CSMD1: variants seen among roughly 807,000 people sequenced by gnomAD.
CSMD1 encodes CUB and sushi domain-containing protein 1.
Under a neutral mutation model 417.5 loss-of-function variants are expected in CSMD1, and 213 were observed. That is an observed-to-expected ratio of 0.51 (90% confidence interval 0.46 to 0.57). The LOEUF is 0.57. CSMD1 is among the 20% of genes least tolerant of loss of function. The pLI is 0.00. For missense variants in CSMD1, 6,923 were observed against 4,529.7 expected, an observed-to-expected ratio of 1.53 and a Z score of -15.17; for synonymous variants, 2,862 against 1,736.8, an observed-to-expected ratio of 1.65 and a Z score of -16.11.
In CSMD1 at chr8:3,708,482, G is replaced by A. The variant is rs752440260; in HGVS notation, c.941C>T (p.Ala314Val). 16 of 1,613,594 alleles carry A rather than the reference G, an allele frequency of 9.9e-6. No homozygotes were observed. The highest frequency in any genetic ancestry group is 5.5e-5 in the South Asian group (5 of 91,074). Reference protein sequence around the residue: ...GFNAQFQVKKAIELKSRGVKM... With the variant: ...GFNAQFQVKKVIELKSRGVKM... ...GACTCCTCTTGACTTCAACTCAATC[G>A]CCTTTTTCACTGGAAGAAACAAAAC... Residue 314 changes from alanine to valine, a missense_variant, in exon 7 of 70, where the codon GCG becomes GTG. By Grantham distance (64) the Ala-to-Val change is moderately conservative. Transcript: ENST00000635120.
intron 3 of CSMD1, among the ~76,000 whole-genome samples, chr8:4,057,985 T>C (rs1348936558): frequency 6.6e-6 from 1 of 151,488 alleles, no homozygotes; most frequent in Non-Finnish European, 1.5e-5. Context: ...CCAGCTTTGT[T>C]CTTTTGCCTT....
At chr8:3,616,346 C>T (rs774647053) in intron 8 of CSMD1, among the ~76,000 whole-genome samples, 34 of 152,090 alleles carry the variant, frequency 2.2e-4, no homozygotes, top group Non-Finnish European at 4.4e-4. Context: ...TCATTCTTCT[C>T]CTTCCTGTCA....
At chr8:3,732,632 G>C (rs1796327912) in intron 6 of CSMD1, among the ~76,000 whole-genome samples, 1 of 152,010 alleles carries the variant, frequency 6.6e-6, no homozygotes, top group South Asian at 2.1e-4. Context: ...AGACCTTTTT[G>C]GTTTGTTTGC....
intron 7 of CSMD1, among the ~76,000 whole-genome samples, chr8:3,638,088 C>G (rs1204147981): frequency 6.6e-6 from 1 of 152,118 alleles, no homozygotes; most frequent in Admixed American, 6.5e-5. Context: ...ACACAGCTAT[C>G]AAATCAAGGA....
intron 5 of CSMD1, among the ~76,000 whole-genome samples, chr8:3,994,097 G>A (rs989760261): frequency 6.6e-6 from 1 of 152,172 alleles, no homozygotes; most frequent in Non-Finnish European, 1.5e-5. Flanking sequence ...CTGTCTCAGG[G>A]AGCTGAAGCT....
At chr8:4,875,201 C>G (rs891728859) in intron 1 of CSMD1, among the ~76,000 whole-genome samples, 1 of 151,876 alleles carries the variant, frequency 6.6e-6, no homozygotes, top group Non-Finnish European at 1.5e-5. Context: ...TACAGTAGTA[C>G]TTTAAAAGCT....
At chr8:4,443,890 T>G (rs543091973) in intron 2 of CSMD1, among the ~76,000 whole-genome samples, 23 of 152,298 alleles carry the variant, frequency 1.5e-4, no homozygotes, top group African/African-American at 5.5e-4. Flanking sequence ...ATGTTTTCAT[T>G]TCATCACATC....
chr8:3,347,381 C>T (rs1395597638), intron 22 of CSMD1, among the ~76,000 whole-genome samples: 2 of 152,148 alleles, frequency 1.3e-5, no homozygotes, highest in Admixed American at 6.5e-5. Flanking sequence ...GGGATTTTGT[C>T]AATCAACGCA....
At position 3,343,373 on chromosome 8, in the gene CSMD1, G is replaced by A. The variant is rs779441864; in HGVS notation, c.3552C>T (p.Asn1184=). 5.3e-5 allele frequency: 85 copies of A among 1,613,682 alleles called. 1 individual carries two copies. Among genetic ancestry groups the A allele is most frequent in the Non-Finnish European group, 7.0e-5 (83 of 1,179,730 alleles). Reference sequence around the variant, plus strand: ...CTAGCCACAGGTGATTGGATGTGCTGTTTAGGATCAGCCCCAGAAGTTCAT... The same window carrying A: ...CTAGCCACAGGTGATTGGATGTGCTATTTAGGATCAGCCCCAGAAGTTCAT... ...TKNELLGLIL[N]STSNHLWLEF... is the part of the protein sequence containing the mutation. The change falls in exon 23 of 70, where the codon AAC becomes AAT. Residue 1184 remains asparagine, a synonymous_variant. Transcript: ENST00000635120.
At chr8:4,112,798 C>G (rs1185409347) in intron 3 of CSMD1, among the ~76,000 whole-genome samples, 2 of 152,160 alleles carry the variant, frequency 1.3e-5, no homozygotes, top group Non-Finnish European at 2.9e-5. Flanking sequence ...ATTTTATACA[C>G]ACAGACATAA....
chr8:4,283,167 A>G (rs1180298708), intron 3 of CSMD1, among the ~76,000 whole-genome samples: 3 of 152,232 alleles, frequency 2.0e-5, no homozygotes, highest in Admixed American at 6.5e-5. Flanking sequence ...AGGTACGTTG[A>G]GAGTCTTTTT....
intron 12 of CSMD1, among the ~76,000 whole-genome samples, chr8:3,411,974 ATATACACG>A (rs1812793931): frequency 1.6e-5 from 1 of 61,552 alleles, no homozygotes; most frequent in African/African-American, 6.6e-5. Flanking sequence ...ATGCACGTAT[ATATACACG>A]TATATATACG....
chr8:3,424,673 C>G (rs1355039967), intron 12 of CSMD1, among the ~76,000 whole-genome samples: 9 of 152,150 alleles, frequency 5.9e-5, no homozygotes, highest in African/African-American at 2.2e-4. Context: ...TGTGATTACA[C>G]AATGATCTTA....
chr8:3,217,822 A>G lies in CSMD1; in HGVS notation c.4672+1433T>C, dbSNP rs1013898824. ...TAAAACTATATAAACAGTTCTGGTA[A>G]TGAGGTAAGAGACATAAAATATGTT... On this transcript the variant is annotated intron_variant, in intron 29 of 69. Coordinates refer to ENST00000635120, the MANE Select transcript of CSMD1 (RefSeq NM_033225.6). Among the ~76,000 whole-genome samples, 11 of 152,184 alleles carry G rather than the reference A, an allele frequency of 7.2e-5. 1 individual carries two copies. The highest frequency in any genetic ancestry group is 4.6e-4 in the Admixed American group (7 of 15,272).
intron 2 of CSMD1, among the ~76,000 whole-genome samples, chr8:4,505,455 T>C (rs957719048): frequency 6.6e-6 from 1 of 152,178 alleles, no homozygotes. Flanking sequence ...ACAGTAATAA[T>C]TGGTATTTTA....
intron 10 of CSMD1, among the ~76,000 whole-genome samples, chr8:3,546,476 T>C (rs918428698): frequency 6.6e-6 from 1 of 151,052 alleles, no homozygotes; most frequent in Non-Finnish European, 1.5e-5. Flanking sequence ...TCGGAGCTTG[T>C]GGTGAGTCAA....
chr8:3,139,437 G>T (rs1458835090), intron 41 of CSMD1, among the ~76,000 whole-genome samples: 1 of 152,146 alleles, frequency 6.6e-6, no homozygotes, highest in Non-Finnish European at 1.5e-5. Context: ...CAAGAGAAAT[G>T]GTAGCCATGC....
At chr8:3,973,204 A>G (rs970809955) in intron 5 of CSMD1, among the ~76,000 whole-genome samples, 14 of 152,232 alleles carry the variant, frequency 9.2e-5, no homozygotes, top group Non-Finnish European at 2.9e-5. Context: ...GTGGTGCTGC[A>G]TGCAGCTGTG....
chr8:3,629,297 C>G (rs1268563923), intron 7 of CSMD1, among the ~76,000 whole-genome samples: 2 of 120,564 alleles, frequency 1.7e-5, no homozygotes, highest in East Asian at 2.3e-4. Context: ...AAAGCAGAGA[C>G]TCTTACTTAA....
Sources: gnomAD v4.1 joint callset for allele counts (sites outside exome capture counted in the v4.1 genomes callset) on GRCh38, gnomAD v4.1.1 for gene constraint, MANE v1.5 for transcripts, NCBI Gene and HGNC (gene_info 2026-07-23, HGNC 2026-07-21) for gene names.